CCAR2: variants seen among roughly 807,000 people sequenced by gnomAD.
CCAR2 encodes cell cycle and apoptosis regulator protein 2.
A neutral mutation model predicts 108.1 loss-of-function variants in CCAR2; 21 were observed. That is an observed-to-expected ratio of 0.19 (90% CI 0.14 to 0.28). The LOEUF is 0.28. CCAR2 is among the 10% of genes least tolerant of loss of function. The pLI is 1.00. For missense variants in CCAR2, 1,126 were observed against 1,177.0 expected (o/e 0.96, Z 0.63); for synonymous variants, 577 against 472.8 (o/e 1.22, Z -2.86).
At position 22,619,736 on chromosome 8, in the gene CCAR2, T is replaced by G. The variant is rs1031442130; in HGVS notation, c.*54T>G. ...AGGGCAGCGGTGGCGCCCGGCAAAG[T>G]TGGAGCCCTTGCGGTACCAGAAAGC... On this transcript the variant is annotated 3_prime_UTR_variant, in exon 21 of 21. Transcript: ENST00000308511. 1 of 1,538,770 alleles carries G rather than the reference T, an allele frequency of 6.5e-7. No individual in the cohort carries two copies. Among genetic ancestry groups the G allele is most frequent in the Non-Finnish European group, 8.8e-7 (1 of 1,138,306 alleles).
chr8:22,613,388 A>G (rs1801371895), intron 8 of CCAR2, among the ~76,000 whole-genome samples: 1 of 146,678 alleles, frequency 6.8e-6, no homozygotes, highest in Non-Finnish European at 1.5e-5. Flanking sequence ...GCAACTACAC[A>G]GTATTCATTG....
At chr8:22,615,030 A>G (rs749039266) in intron 11 of CCAR2, 29 bp downstream of exon 11, 7 of 1,520,648 alleles carry the variant, frequency 4.6e-6, no homozygotes, top group Non-Finnish European at 1.8e-6. Context: ...CCTCAGCTGC[A>G]CCAACGCACC....
chr8:22,616,307 C>T, intron 14 of CCAR2, 59 bp downstream of exon 14: 2 of 1,525,728 alleles, frequency 1.3e-6, no homozygotes, highest in South Asian at 2.3e-5. Flanking sequence ...CACCTTTACC[C>T]CGGGCTCTGT....
At chr8:22,611,380 GTA>G (rs1361457292) in intron 7 of CCAR2, among the ~76,000 whole-genome samples, 14 of 92,422 alleles carry the variant, frequency 1.5e-4, no homozygotes, top group African/African-American at 5.9e-4. Context: ...AAAAAAAAAA[GTA>G]TATATATGTG....
intron 11 of CCAR2, 86 bp from the exon 12 acceptor site, chr8:22,615,339 C>T: frequency 6.7e-7 from 1 of 1,493,498 alleles, no homozygotes; most frequent in South Asian, 1.3e-5. Context: ...TGAGTGCTGA[C>T]TGGAAACTGA....
chr8:22,614,162 G>A lies in CCAR2; in HGVS notation c.775G>A (p.Val259Met), dbSNP rs200096133. 1.9e-5 allele frequency: 31 copies of A among 1,614,010 alleles called. No homozygotes were observed. Among genetic ancestry groups the A allele is most frequent in the East Asian group, 6.7e-5 (3 of 44,888 alleles). Residue 259 changes from valine (V) to methionine (M), a missense_variant, in exon 9 of 21, where the codon GTG becomes ATG. This residue lies in a region of CCAR2 where 1,013 missense variants were observed against 993.9 expected (regional missense o/e 1.02). Coordinates refer to ENST00000308511, the MANE Select transcript of CCAR2 (RefSeq NM_001393997.1). ...SLLVPSDFLS[V>M]HLSWLSAFPL... is the part of the protein sequence containing the mutation. ...CCTGGTCCCCTCAGATTTTCTGTCC[G>A]TGCATCTGAGTTGGCTATCAGCCTT...
At chr8:22,621,390 C>T (rs201299945), downstream of CCAR2, 49 of 1,599,874 alleles carry the variant, frequency 3.1e-5, 1 homozygote, top group South Asian at 3.3e-4. Flanking sequence ...AGGCTGACCA[C>T]GTCACAGGAG....
chr8:22,618,436 C>A lies in CCAR2; in HGVS notation c.2161C>A (p.His721Asn). 1.2e-6 allele frequency: 2 copies of A among 1,614,224 alleles called. No individual in the cohort carries two copies. The highest frequency in any genetic ancestry group is 1.7e-6 in the Non-Finnish European group (2 of 1,180,038). Residue 721 changes from histidine to asparagine, a missense_variant, in exon 17 of 21, where the codon CAC (histidine) becomes AAC (asparagine). His to Asn is a moderately conservative substitution (Grantham distance 68). Around this residue, in one of 4 missense-constraint regions of CCAR2, gnomAD observed 1,013 missense variants for 993.9 expected, o/e 1.02. Transcript: ENST00000308511. ...TGATGCCAACTGGTGTGGCTACTTG[C>A]ACCGGCGAGACTTAGAGAGGATCCT... Reference protein sequence around the residue: ...FFDANWCGYLHRRDLERILLT... With the variant: ...FFDANWCGYLNRRDLERILLT...
At chr8:22,621,415 C>CG (rs751815160), downstream of CCAR2, 3 of 1,611,432 alleles carry the variant, frequency 1.9e-6, no homozygotes, top group Non-Finnish European at 2.5e-6. Flanking sequence ...CCAAGAGTGA[C>CG]GGGGATTCAG....
Position 22,618,732 on chromosome 8 carries a change from T to C in CCAR2, c.2332+4T>C. The C allele has an allele frequency of 6.2e-7, 1 of 1,613,852 alleles. No homozygotes were observed. The highest frequency in any genetic ancestry group is 8.5e-7 in the Non-Finnish European group (1 of 1,179,972). ...CTTCCCGAGGAGGTGCTCTTCGGTA[T>C]GTTCTGGGGCCCTGCAGCCTTCCTG... On this transcript the variant is annotated splice_donor_region_variant and intron_variant, in intron 18 of 20. Coordinates refer to ENST00000308511, the MANE Select transcript of CCAR2 (RefSeq NM_001393997.1).
intron 11 of CCAR2, 91 bp from the exon 12 acceptor site, chr8:22,615,334 G>C: frequency 1.4e-6 from 2 of 1,462,590 alleles, no homozygotes; most frequent in Non-Finnish European, 1.9e-6. Context: ...CTCATTGAGT[G>C]CTGACTGGAA....
In CCAR2 at chr8:22,607,238, G is replaced by T; in HGVS notation, c.400G>T (p.Ala134Ser). The change falls in exon 6 of 21, where the codon GCC (alanine) becomes TCC (serine). Residue 134 changes from alanine (A) to serine (S), a missense_variant. By Grantham distance (99) the Ala-to-Ser change is moderately conservative. Transcript: ENST00000308511. ...AGCACCTCCTCTTCTGCATGTAGCAGCCCTGGGCCAGAAGCAAGGGATCCT... is the reference window on the plus strand; with the variant it reads ...AGCACCTCCTCTTCTGCATGTAGCATCCCTGGGCCAGAAGCAAGGGATCCT... ...SPAPPLLHVA[A>S]LGQKQGILGA... 6.2e-7 allele frequency: 1 copy of T among 1,613,974 alleles called. No homozygotes were observed. The highest frequency in any genetic ancestry group is 1.3e-5 in the African/African-American group (1 of 75,002).
chr8:22,619,105 G>C, intron 19 of CCAR2, 45 bp from the exon 20 acceptor site: 1 of 1,601,770 alleles, frequency 6.2e-7, no homozygotes, highest in Non-Finnish European at 8.5e-7. Flanking sequence ...CTGTGCTCTG[G>C]GCCTTGATGG....
intron 14 of CCAR2, 74 bp downstream of exon 14, chr8:22,616,322 A>C: frequency 7.0e-7 from 1 of 1,422,956 alleles, no homozygotes; most frequent in Non-Finnish European, 9.8e-7. Flanking sequence ...CTCTGTTCCG[A>C]GCGCTTCCTG....
intron 16 of CCAR2, chr8:22,618,147 C>T (rs1801598943): frequency 1.5e-6 from 1 of 647,998 alleles, no homozygotes. Context: ...TGGTTATTCA[C>T]AGGCATGAAT....
At chr8:22,616,294 G>T (rs200287109) in intron 14 of CCAR2, 46 bp downstream of exon 14, 7 of 1,559,864 alleles carry the variant, frequency 4.5e-6, no homozygotes, top group South Asian at 2.2e-5. Flanking sequence ...TACCGTGACC[G>T]CGCACCTTTA....
intron 20 of CCAR2, 23 bp from the exon 21 acceptor site, chr8:22,619,615 G>T (rs1287865405): frequency 6.5e-7 from 1 of 1,536,256 alleles, no homozygotes. Flanking sequence ...CCCGATTCTG[G>T]GTACATCATC....
At chr8:22,609,033 C>A (rs1365997716) in intron 7 of CCAR2, among the ~76,000 whole-genome samples, 1 of 151,072 alleles carries the variant, frequency 6.6e-6, no homozygotes, top group African/African-American at 2.4e-5. Context: ...TGTTATGTAA[C>A]CCTTAACCCT....
chr8:22,611,918 T>C (rs1801297855), intron 7 of CCAR2, among the ~76,000 whole-genome samples: 1 of 151,750 alleles, frequency 6.6e-6, no homozygotes, highest in African/African-American at 2.4e-5. Flanking sequence ...CTTTAATGTG[T>C]ATTATTAAGG....
Sources: allele counts gnomAD v4.1 joint callset (sites outside exome capture counted in the v4.1 genomes callset), GRCh38; gene constraint gnomAD v4.1.1; regional missense constraint gnomAD v4.1.1; transcripts MANE v1.5; gene names NCBI Gene and HGNC (gene_info 2026-07-23, HGNC 2026-07-21).